FAM217A: variants seen among roughly 807,000 people sequenced by gnomAD.
The protein encoded by FAM217A is family with sequence similarity 217 member A, also known as protein FAM217A.
In FAM217A, 13 loss-of-function variants were observed where a neutral mutation model predicts 18.5. That is an observed-to-expected ratio of 0.70 (90% CI 0.46 to 1.12). The LOEUF is 1.12. FAM217A is among the 50% of genes most tolerant of loss of function. The probability of loss-of-function intolerance (pLI) is 0.00; values close to 1 mark genes in which losing one functional copy is unlikely to be tolerated. For missense variants in FAM217A, 560 were observed against 575.4 expected (o/e 0.97, Z 0.27); for synonymous variants, 161 against 202.8 (o/e 0.79, Z 1.75).
At position 4,079,056 on chromosome 6, in the gene FAM217A, G is replaced by A; in HGVS notation, c.-239C>T. 2.7e-6 allele frequency: 1 copy of A among 372,640 alleles called. No individual in the cohort carries two copies. The highest frequency in any genetic ancestry group is 4.8e-6 in the Non-Finnish European group (1 of 209,150). The allele number at this position is 372,640 out of a possible 1,614,324, so 23.1% of individuals were successfully genotyped here. A position where few individuals can be genotyped will look rare whatever the true frequency, so the allele number is the denominator to read the frequency against. ...AGTGCAGGGCCTGCGAAGCCCGCGG[G>A]CCGGCGCAGGGGTGGGAGTCGGGCC... On this transcript the variant is annotated 5_prime_UTR_variant, in exon 1 of 7. Coordinates refer to ENST00000274673, the MANE Select transcript of FAM217A (RefSeq NM_173563.3).
chr6:4,077,359 TGA>T lies in FAM217A; in HGVS notation c.54_55del (p.Gln19GlyfsTer16). ...GTTCAACAGCGCCTGCCATACCTCC[TGA>T]GAGATGTTTGACACACGTAGGCTGT... On this transcript the variant is annotated frameshift_variant, in exon 2 of 7. Transcript: ENST00000274673. LOFTEE classifies it high-confidence loss of function. 2 of 1,614,224 alleles carry T rather than the reference TGA, an allele frequency of 1.2e-6. No homozygotes were observed. Among genetic ancestry groups the T allele is most frequent in the Non-Finnish European group, 1.7e-6 (2 of 1,180,022 alleles).
chr6:4,068,889 G>GA lies in FAM217A; in HGVS notation c.1333dup (p.Ser445PhefsTer16). ...TTCGGGAAAAGTCAGAGGTATAGGT[G>GA]AAACTGGCATTGGAGACCTCCATGG... On this transcript the variant is annotated frameshift_variant, in exon 7 of 7. Coordinates refer to ENST00000274673, the MANE Select transcript of FAM217A (RefSeq NM_173563.3). LOFTEE classifies it low-confidence loss of function (END_TRUNC). 1 of 1,614,138 alleles carries GA rather than the reference G, an allele frequency of 6.2e-7. No individual in the cohort carries two copies. Among genetic ancestry groups the GA allele is most frequent in the South Asian group, 1.1e-5 (1 of 91,074 alleles).
chr6:4,069,345 A>G lies in FAM217A; in HGVS notation c.878T>C (p.Leu293Pro). 1.2e-6 allele frequency: 2 copies of G among 1,614,128 alleles called. No homozygotes were observed. The highest frequency in any genetic ancestry group is 1.7e-6 in the Non-Finnish European group (2 of 1,180,020). ...AATAGTCATATGTTGTAATCGTTCT[A>G]GTTCCAGTAAACGAGTTATCAAGTG... ...VEHLITRLLELERLQHMTIQK... is the reference protein window; with the variant it reads ...VEHLITRLLEPERLQHMTIQK... The change falls in exon 7 of 7, where the codon CTA becomes CCA. Residue 293 changes from leucine to proline, a missense_variant. Physicochemically the swap from Leu to Pro is moderately conservative, Grantham distance 98. Transcript: ENST00000274673.
At chr6:4,083,674 C>G (rs1486144999), upstream of FAM217A, among the ~76,000 whole-genome samples, 1 of 151,862 alleles carries the variant, frequency 6.6e-6, no homozygotes, top group Non-Finnish European at 1.5e-5. Flanking sequence ...GTCTCAGTCT[C>G]CCAAGTTGCT....
At position 4,074,616 on chromosome 6, in the gene FAM217A, T is replaced by C; in HGVS notation, c.106A>G (p.Asn36Asp). 1 of 1,613,830 alleles carries C rather than the reference T, an allele frequency of 6.2e-7. No individual in the cohort carries two copies. The highest frequency in any genetic ancestry group is 8.5e-7 in the Non-Finnish European group (1 of 1,179,776). The part of the protein sequence containing the change: ...NLDSEVPVSE[N>D]KNLPAGRDGA... ...TCCCTTCCAGCTGGGAGGTTTTTAT[T>C]TTCAGAAACAGGTACTTCTGAATCC... Residue 36 changes from asparagine (N) to aspartate (D), a missense_variant, in exon 3 of 7, where the codon AAT (asparagine) becomes GAT (aspartate). By Grantham distance (23) the Asn-to-Asp change is conservative. Transcript: ENST00000274673.
chr6:4,079,397 G>A (rs909132044), upstream of FAM217A: 29 of 311,476 alleles, frequency 9.3e-5, 1 homozygote, highest in South Asian at 6.8e-4. Context: ...TGGCCTGAAG[G>A]GGCCGCCCCC....
rs369347224 is a variant in FAM217A, at chr6:4,068,841, G to A, written c.1382C>T (p.Ala461Val). ...TTTGGTCCCAAAGTTTCTCTTCGGT[G>A]CCTTAATTTCTTCCTTCTGATTTTC... ...FPENQKEEIK[A>V]PKRNFGTKKK... Residue 461 changes from alanine (A) to valine (V), a missense_variant, in exon 7 of 7, where the codon GCA becomes GTA. Coordinates refer to ENST00000274673, the MANE Select transcript of FAM217A (RefSeq NM_173563.3). 1.2e-5 allele frequency: 20 copies of A among 1,614,034 alleles called. No homozygotes were observed. The highest frequency in any genetic ancestry group is 1.4e-5 in the Non-Finnish European group (17 of 1,180,024).
chr6:4,076,531 T>A (rs1255031525), intron 2 of FAM217A, among the ~76,000 whole-genome samples: 1 of 152,182 alleles, frequency 6.6e-6, no homozygotes, highest in African/African-American at 2.4e-5. Flanking sequence ...GAAATGCACG[T>A]GAGAGAAATA....
upstream of FAM217A, among the ~76,000 whole-genome samples, chr6:4,080,004 A>G (rs1019781178): frequency 1.3e-5 from 2 of 152,122 alleles, no homozygotes; most frequent in Non-Finnish European, 2.9e-5. Context: ...CTGCATAGCT[A>G]TCATCACCCC....
upstream of FAM217A, among the ~76,000 whole-genome samples, chr6:4,083,888 C>T (rs1770471622): frequency 1.3e-5 from 2 of 152,246 alleles, no homozygotes; most frequent in South Asian, 2.1e-4. Context: ...AATTATGTAA[C>T]ATTTTCTGAA....
upstream of FAM217A, chr6:4,079,151 G>C (rs557657253): frequency 5.9e-6 from 2 of 337,118 alleles, no homozygotes; most frequent in African/African-American, 4.4e-5. Context: ...CGGGTCTCCC[G>C]GCAACTACCA....
upstream of FAM217A, among the ~76,000 whole-genome samples, chr6:4,080,304 C>T (rs984453552): frequency 6.6e-6 from 1 of 152,144 alleles, no homozygotes; most frequent in Admixed American, 6.6e-5. Context: ...TTCATGACAC[C>T]CCGTTGTTAT....
rs1554147275 is a variant in FAM217A, at chr6:4,085,311, A to AT, written c.19-502_19-501insA. ...AGAAGTGTTATTCATTGTAAAAAAA[A>AT]ATATATATATATATATAAAATATGT... On this transcript the variant is annotated intron_variant, in intron 1 of 8. Coordinates refer to the FAM217A transcript ENST00000639338. Among the ~76,000 whole-genome samples, 470 of 146,430 alleles carry AT rather than the reference A, an allele frequency of 3.2e-3. 1 individual carries two copies. Among genetic ancestry groups the AT allele is most frequent in the African/African-American group, 0.01 (403 of 40,300 alleles).
At chr6:4,077,051 G>T (rs114814516) in intron 2 of FAM217A, among the ~76,000 whole-genome samples, 94 of 152,184 alleles carry the variant, frequency 6.2e-4, no homozygotes, top group African/African-American at 2.0e-3. Context: ...TTTCACAAAG[G>T]GTGTGTGTGT....
At chr6:4,074,506 T>C (rs767579758) in intron 3 of FAM217A, 50 bp from the exon 4 acceptor site, 1 of 1,579,090 alleles carries the variant, frequency 6.3e-7, no homozygotes, top group African/African-American at 1.4e-5. Context: ...AAACTGATTA[T>C]ATTCAAAACA....
At position 4,079,013 on chromosome 6, in the gene FAM217A, G is replaced by T. The variant is rs1244889476; in HGVS notation, c.-196C>A. ...AGGGCGGCGGGCGGCTGGCGGCCTT[G>T]AGCGCAGCCCGGTCGGCAGTGCAGG... On this transcript the variant is annotated 5_prime_UTR_variant, in exon 1 of 7. Coordinates refer to ENST00000274673, the MANE Select transcript of FAM217A (RefSeq NM_173563.3). The T allele has an allele frequency of 1.3e-5, 6 of 465,450 alleles. No individual in the cohort carries two copies. Among genetic ancestry groups the T allele is most frequent in the Non-Finnish European group, 2.3e-5 (6 of 263,586 alleles). The allele number at this position is 465,450 out of a possible 1,614,324, so 28.8% of individuals were successfully genotyped here.
chr6:4,084,764 C>A, exon 2 of FAM217A: 1 of 702,996 alleles, frequency 1.4e-6, no homozygotes, highest in Non-Finnish European at 2.6e-6. Context: ...GTCACACCCA[C>A]CATGGCGAGG....
intron 6 of FAM217A, among the ~76,000 whole-genome samples, chr6:4,072,854 C>T (rs1023383720): frequency 1.2e-4 from 19 of 152,160 alleles, no homozygotes; most frequent in African/African-American, 4.6e-4. Context: ...GAGCAAGTTA[C>T]TTAACTTGTC....
At chr6:4,073,001 G>C (rs1769529152) in intron 6 of FAM217A, among the ~76,000 whole-genome samples, 1 of 152,140 alleles carries the variant, frequency 6.6e-6, no homozygotes, top group Admixed American at 6.5e-5. Flanking sequence ...TCCTATTACA[G>C]TTCCTTTTGC....
Sources: gnomAD v4.1 joint callset for allele counts (sites outside exome capture counted in the v4.1 genomes callset) on GRCh38, gnomAD v4.1.1 for gene constraint, MANE v1.5 for transcripts, NCBI Gene and HGNC (gene_info 2026-07-23, HGNC 2026-07-21) for gene names.